The following ZNF596 variants were observed in gnomAD, a reference collection of about 807,000 sequenced individuals.
ZNF596 encodes zinc finger protein 596.
A neutral mutation model predicts 48.3 loss-of-function variants in ZNF596; 45 were observed. The observed-to-expected ratio is 0.93, with a 90% CI of 0.73 to 1.19. The LOEUF is 1.19. Ranked by LOEUF, ZNF596 falls within the 50% of genes most tolerant of loss-of-function variation. The pLI is 0.00. For missense variants in ZNF596, 848 were observed against 599.7 expected (o/e 1.41, Z -4.32); for synonymous variants, 270 against 202.0 (o/e 1.34, Z -2.85).
chr8:245,821 A>C lies in ZNF596; in HGVS notation c.974A>C (p.His325Pro). 1 of 1,614,156 alleles carries C rather than the reference A, an allele frequency of 6.2e-7. No individual in the cohort carries two copies. Among genetic ancestry groups the C allele is most frequent in the Non-Finnish European group, 8.5e-7 (1 of 1,180,016 alleles). The change falls in exon 6 of 6, where the codon CAT becomes CCT. Residue 325 changes from histidine to proline, a missense_variant. By Grantham distance (77) the His-to-Pro change is moderately conservative. Transcript: ENST00000398612. ...AFSKCSYLRQ[H>P]ERTHNGEKPY... is the part of the protein sequence containing the mutation. ...AGTAAATGTTCTTACCTTAGACAACATGAAAGAACTCACAATGGAGAGAAA... is the reference window on the plus strand; with the variant it reads ...AGTAAATGTTCTTACCTTAGACAACCTGAAAGAACTCACAATGGAGAGAAA...
rs183667362 is a variant in ZNF596, at chr8:245,821, A to G, written c.974A>G (p.His325Arg). 13 of 1,614,156 alleles carry G rather than the reference A, an allele frequency of 8.1e-6. No individual in the cohort carries two copies. The East Asian group carries it at 1.8e-4, about 22-fold the overall frequency. Residue 325 changes from histidine to arginine, a missense_variant, in exon 6 of 6, where the codon CAT becomes CGT. Physicochemically the swap from His to Arg is conservative, Grantham distance 29. Coordinates refer to ENST00000398612, the MANE Select transcript of ZNF596 (RefSeq NM_001042416.3). ...AGTAAATGTTCTTACCTTAGACAAC[A>G]TGAAAGAACTCACAATGGAGAGAAA... ...AFSKCSYLRQ[H>R]ERTHNGEKPY... is the part of the protein sequence containing the mutation.
intron 1 of ZNF596, chr8:234,650 T>C (rs1796551859): frequency 6.6e-6 from 1 of 152,218 alleles, no homozygotes; most frequent in Non-Finnish European, 1.5e-5. Flanking sequence ...AAGTGTTGTT[T>C]TTAGGATGTG....
upstream of ZNF596, chr8:232,451 C>T (rs1796441028): frequency 3.9e-6 from 1 of 258,606 alleles, no homozygotes; most frequent in Non-Finnish European, 8.2e-6. Flanking sequence ...CAAACCCAGC[C>T]ACGCAGTTCC....
Position 240,887 on chromosome 8 carries a change from G to A in ZNF596, c.-9G>A, listed in dbSNP as rs1181703433. On this transcript the variant is annotated 5_prime_UTR_variant, in exon 2 of 6. Transcript: ENST00000398612. Reference sequence around the variant, plus strand: ...CCAGAGGAATACATTTGGTGGCTGAGCTAGTACAATGCCATCACCGGTGAG... The same window carrying A: ...CCAGAGGAATACATTTGGTGGCTGAACTAGTACAATGCCATCACCGGTGAG... 19 of 1,614,002 alleles carry A rather than the reference G, an allele frequency of 1.2e-5. No homozygotes were observed. The African/African-American group carries it at 1.2e-4, about 10-fold the overall frequency.
intron 5 of ZNF596, among the ~76,000 whole-genome samples, 197 bp from the exon 6 acceptor site, chr8:244,957 G>T (rs1459812454): frequency 2.0e-5 from 3 of 152,232 alleles, no homozygotes; most frequent in Middle Eastern, 3.2e-3. Flanking sequence ...TAGCTCTTCA[G>T]TTGGGATGCT....
chr8:240,760 G>A (rs1315326509), intron 1 of ZNF596, 64 bp from the exon 2 acceptor site: 1 of 1,078,780 alleles, frequency 9.3e-7, no homozygotes, highest in Non-Finnish European at 1.4e-6. Context: ...TAGCTTTGGG[G>A]CAGATGTTAG....
rs1288468104 is a variant in ZNF596, at chr8:245,702, G to A, written c.855G>A (p.Gly285=). 3 of 1,614,100 alleles carry A rather than the reference G, an allele frequency of 1.9e-6. No homozygotes were observed. The highest frequency in any genetic ancestry group is 1.3e-5 in the African/African-American group (1 of 75,046). The change falls in exon 6 of 6, where the codon GGG becomes GGA. Residue 285 remains glycine (G), a synonymous_variant. Coordinates refer to ENST00000398612, the MANE Select transcript of ZNF596 (RefSeq NM_001042416.3). The stretch of plus-strand genomic sequence containing the variant: ...AAGCACAGATATGCCATCTATGTGG[G>A]AAAGCCTTCACTCATTGCTCTGACC... ...REKAQICHLC[G]KAFTHCSDLR...
intron 4 of ZNF596, 142 bp downstream of exon 4, chr8:243,947 G>C: frequency 1.7e-6 from 1 of 605,204 alleles, no homozygotes; most frequent in East Asian, 3.5e-5. Context: ...GAGTGCAGTG[G>C]CGTGATCTCG....
In ZNF596 at chr8:232,471, G is replaced by T. The variant is rs533300798; in HGVS notation, c.-296G>T. 4 of 282,750 alleles carry T rather than the reference G, an allele frequency of 1.4e-5. No individual in the cohort carries two copies. Among genetic ancestry groups the T allele is most frequent in the African/African-American group, 7.0e-5 (3 of 42,960 alleles). The allele number at this position is 282,750 out of a possible 1,614,324, so 17.5% of individuals were successfully genotyped here. A position where few individuals can be genotyped will look rare whatever the true frequency, so the allele number is the denominator to read the frequency against. The stretch of plus-strand genomic sequence containing the variant: ...CCAGCCACGCAGTTCCCTTCCTGCG[G>T]CGTCCTCCACACCCGGGGTCTGCTG... On this transcript the variant is annotated 5_prime_UTR_variant, in exon 1 of 6. Coordinates refer to ENST00000398612, the MANE Select transcript of ZNF596 (RefSeq NM_001042416.3).
chr8:235,051 G>C (rs985801979), intron 1 of ZNF596, among the ~76,000 whole-genome samples: 1 of 152,132 alleles, frequency 6.6e-6, no homozygotes, highest in African/African-American at 2.4e-5. Flanking sequence ...TATTGATCTG[G>C]CCACAAAATA....
chr8:243,892 T>G, intron 4 of ZNF596, 87 bp downstream of exon 4: 1 of 1,200,826 alleles, frequency 8.3e-7, no homozygotes, highest in East Asian at 2.5e-5. Flanking sequence ...AAAGGAAGAT[T>G]TCTTTTGTTT....
rs1490397288 is a variant in ZNF596 at position 247,055 on chromosome 8, G to C, written c.*693G>C. ...CTTAGTCAATACCAGCATTTTTCCA[G>C]TGAGAAAACTATCTTGACAGGATAG... On this transcript the variant is annotated 3_prime_UTR_variant, in exon 6 of 6. Coordinates refer to ENST00000398612, the MANE Select transcript of ZNF596 (RefSeq NM_001042416.3). The C allele has an allele frequency of 6.6e-6, 1 of 152,142 alleles. No individual in the cohort carries two copies. Among genetic ancestry groups the C allele is most frequent in the Non-Finnish European group, 1.5e-5 (1 of 68,026 alleles). 9.4% of individuals were successfully genotyped at this position (152,142 alleles called of 1,614,324 possible). A position where few individuals can be genotyped will look rare whatever the true frequency, so the allele number is the denominator to read the frequency against.
At chr8:239,381 G>A (rs913722386) in intron 1 of ZNF596, among the ~76,000 whole-genome samples, 2 of 152,110 alleles carry the variant, frequency 1.3e-5, no homozygotes, top group Admixed American at 6.5e-5. Flanking sequence ...TAGAAACGGG[G>A]TTTTGGGGTT....
intron 1 of ZNF596, chr8:237,299 TTA>T (rs1487666497): frequency 6.6e-6 from 1 of 152,104 alleles, no homozygotes; most frequent in Admixed American, 6.5e-5. Flanking sequence ...ATTCATTACA[TTA>T]TTTTATTATT....
intron 1 of ZNF596, among the ~76,000 whole-genome samples, chr8:240,060 G>C (rs933026768): frequency 2.0e-5 from 3 of 152,182 alleles, no homozygotes; most frequent in Non-Finnish European, 4.4e-5. Context: ...CAAGGGTTTT[G>C]GGTGGCTCTG....
intron 1 of ZNF596, among the ~76,000 whole-genome samples, chr8:239,270 C>A (rs1049430189): frequency 1.3e-5 from 2 of 152,206 alleles, no homozygotes; most frequent in Non-Finnish European, 2.9e-5. Context: ...CTCACTGCAA[C>A]CTCCACCTCC....
intron 1 of ZNF596, chr8:233,233 A>C: frequency 4.8e-6 from 2 of 417,774 alleles, no homozygotes; most frequent in Non-Finnish European, 1.0e-5. Flanking sequence ...GGGAATCAGC[A>C]GAGATATGGA....
intron 1 of ZNF596, among the ~76,000 whole-genome samples, chr8:239,876 C>G (rs1450186366): frequency 6.6e-6 from 1 of 151,990 alleles, no homozygotes; most frequent in Admixed American, 6.5e-5. Flanking sequence ...AAGTCATGGT[C>G]TTTCAGGTGA....
Position 244,698 on chromosome 8 carries a change from AATGGTAAGCTTT to A in ZNF596, c.306+2_306+13del. On this transcript the variant is annotated splice_donor_variant and splice_donor_5th_base_variant and coding_sequence_variant and intron_variant, in exon 5 of 6. Transcript: ENST00000398612. LOFTEE classifies it high-confidence loss of function. ...AGAAGGGCACGTCCACCATCAGCACAATGGTAAGCTTTATGGATGCAAACCCTGTTCTTACAT... is the reference window on the plus strand; with the variant it reads ...AGAAGGGCACGTCCACCATCAGCACAATGGATGCAAACCCTGTTCTTACAT... 1 of 1,611,698 alleles carries A rather than the reference AATGGTAAGCTTT, an allele frequency of 6.2e-7. No individual in the cohort carries two copies. The highest frequency in any genetic ancestry group is 2.2e-5 in the East Asian group (1 of 44,850).
Sources: allele counts gnomAD v4.1 joint callset (sites outside exome capture counted in the v4.1 genomes callset), GRCh38; gene constraint gnomAD v4.1.1; transcripts MANE v1.5; gene names NCBI Gene and HGNC (gene_info 2026-07-23, HGNC 2026-07-21).